Variants in C11orf65 observed in about 807,000 individuals in gnomAD.
The protein encoded by C11orf65 is chromosome 11 open reading frame 65, also known as protein MFI.
In C11orf65, 38 loss-of-function variants were observed where a neutral mutation model predicts 35.3. The observed-to-expected ratio is 1.08, with a 90% confidence interval of 0.83 to 1.41. The LOEUF (loss-of-function observed/expected upper bound fraction) is 1.41, where lower values mean the gene tolerates loss of function less well. Ranked by LOEUF, C11orf65 falls within the 40% of genes most tolerant of loss-of-function variation. The probability of loss-of-function intolerance (pLI) is 0.00; values close to 1 mark genes in which losing one functional copy is unlikely to be tolerated. For synonymous variants in C11orf65, 105 were observed against 114.4 expected (o/e 0.92, Z 0.53); for missense variants, 370 against 367.1 (o/e 1.01, Z -0.06).
intron 2 of C11orf65, chr11:108,369,164 G>A (rs1423796799): frequency 2.5e-5 from 4 of 157,670 alleles, no homozygotes; most frequent in East Asian, 3.3e-4. Flanking sequence ...CATGGGACTC[G>A]TTCTAAGGAG....
chr11:108,403,418 T>TTA (rs767364703), intron 6 of C11orf65, among the ~76,000 whole-genome samples: 1 of 142,018 alleles, frequency 7.0e-6, no homozygotes, highest in African/African-American at 2.8e-5. Context: ...GGTTTTTTTT[T>TTA]TGTTTTTTTT....
chr11:108,430,355 G>A (rs1301933827), intron 3 of C11orf65, among the ~76,000 whole-genome samples: 1 of 148,750 alleles, frequency 6.7e-6, no homozygotes, highest in African/African-American at 2.5e-5. Flanking sequence ...TAGCCAGGGT[G>A]GTCTCGATCT....
At chr11:108,350,466 T>C (rs2089054816) in intron 2 of C11orf65, among the ~76,000 whole-genome samples, 3 of 152,224 alleles carry the variant, frequency 2.0e-5, no homozygotes. Context: ...GAAGCAGTTT[T>C]AGCAGACTCA....
intron 2 of C11orf65, among the ~76,000 whole-genome samples, chr11:108,451,285 A>G (rs2093344386): frequency 6.6e-6 from 1 of 152,036 alleles, no homozygotes; most frequent in African/African-American, 2.4e-5. Context: ...AATCTCCTTA[A>G]GCTGATAAGC....
chr11:108,361,621 C>T (rs919654323), intron 2 of C11orf65, among the ~76,000 whole-genome samples: 1 of 151,570 alleles, frequency 6.6e-6, no homozygotes, highest in African/African-American at 2.4e-5. Context: ...TGGAACAGAA[C>T]AGAGCCCTTA....
chr11:108,324,335 C>T (rs1013685266), intron 6 of C11orf65, among the ~76,000 whole-genome samples: 1 of 152,042 alleles, frequency 6.6e-6, no homozygotes, highest in African/African-American at 2.4e-5. Context: ...TACAGAGAAA[C>T]TACTGTAGTT....
At position 108,407,148 on chromosome 11, in the gene C11orf65, G is replaced by A. The variant is rs1370342533; in HGVS notation, c.176C>T (p.Ala59Val). Reference protein sequence around the residue: ...QIVKYINPKEAELLDAAAGIH... With the variant: ...QIVKYINPKEVELLDAAAGIH... Reference sequence around the variant, plus strand: ...GCCAGCAGCAGCATCTAGAAGCTCTGCCTATAAGAAAATATATTATTCTTA... The same window carrying A: ...GCCAGCAGCAGCATCTAGAAGCTCTACCTATAAGAAAATATATTATTCTTA... The change falls in exon 4 of 9, where the codon GCA (alanine) becomes GTA (valine). Residue 59 changes from alanine (A) to valine (V), a missense_variant and splice_region_variant. Ala to Val is a moderately conservative substitution (Grantham distance 64). Transcript: ENST00000393084. The A allele has an allele frequency of 1.3e-6, 2 of 1,597,038 alleles. No homozygotes were observed. The highest frequency in any genetic ancestry group is 1.7e-5 in the Admixed American group (1 of 59,496).
chr11:108,360,582 C>A (rs227043), intron 2 of C11orf65, among the ~76,000 whole-genome samples: 81,695 of 136,298 alleles, frequency 0.6, 24,979 homozygotes, highest in Middle Eastern at 0.75. Context: ...GCAGCACATC[C>A]AAAAGCTTAT....
At chr11:108,367,486 A>T (rs2091394727) in intron 2 of C11orf65, 2 of 205,214 alleles carry the variant, frequency 9.7e-6, no homozygotes, top group Non-Finnish European at 2.0e-5. Context: ...GATAAACATC[A>T]GATAAAAAGC....
chr11:108,405,638 A>G, intron 5 of C11orf65, 79 bp from the exon 6 acceptor site: 1 of 1,403,618 alleles, frequency 7.1e-7, no homozygotes, highest in Non-Finnish European at 1.0e-6. Flanking sequence ...AAGAACTTCT[A>G]TGTGTTCAGT....
intron 2 of C11orf65, chr11:108,343,186 T>G: frequency 6.2e-7 from 1 of 1,613,178 alleles, no homozygotes; most frequent in Non-Finnish European, 8.5e-7. Flanking sequence ...TTTAATGGCC[T>G]TTTAAAATTA....
At chr11:108,466,275 A>G (rs1354836665) in intron 1 of C11orf65, among the ~76,000 whole-genome samples, 1 of 152,068 alleles carries the variant, frequency 6.6e-6, no homozygotes, top group Non-Finnish European at 1.5e-5. Flanking sequence ...GTTTTAAGAT[A>G]CTAAAATGTA....
chr11:108,354,507 G>A (rs554997647), intron 2 of C11orf65, among the ~76,000 whole-genome samples: 1 of 152,330 alleles, frequency 6.6e-6, no homozygotes, highest in East Asian at 1.9e-4. Context: ...TGCAGTCAGT[G>A]TAAACTAATA....
At position 108,350,784 on chromosome 11, in the gene C11orf65, T is replaced by C. The variant is rs191782677; in HGVS notation, c.227-15492A>G. ...TGGTCTGGAAGATGCAAATTAGAGG[T>C]AGGAGTATGCCAACCTGAGTCCATT... is the stretch of plus-strand genomic sequence containing the variant. On this transcript the variant is annotated intron_variant, in intron 2 of 3. Transcript: ENST00000524755. 2.6e-5 allele frequency among the ~76,000 whole-genome samples: 4 copies of C among 152,248 alleles called. No homozygotes were observed. In the East Asian group the frequency reaches 7.7e-4, roughly 29 times the overall value.
intron 6 of C11orf65, chr11:108,316,200 A>T: frequency 8.2e-7 from 1 of 1,224,004 alleles, no homozygotes; most frequent in Non-Finnish European, 1.2e-6. Context: ...ACACAGCCAG[A>T]TAAACTCTAG....
At chr11:108,398,856 T>C (rs1478339884) in intron 6 of C11orf65, among the ~76,000 whole-genome samples, 1 of 152,238 alleles carries the variant, frequency 6.6e-6, no homozygotes, top group East Asian at 1.9e-4. Context: ...CCAGAAGTAA[T>C]GCAGGCAGAG....
At chr11:108,428,778 T>C (rs1198662891) in intron 3 of C11orf65, among the ~76,000 whole-genome samples, 1 of 152,138 alleles carries the variant, frequency 6.6e-6, no homozygotes, top group Non-Finnish European at 1.5e-5. Context: ...AACCTGCATG[T>C]TCTGCACATG....
intron 6 of C11orf65, among the ~76,000 whole-genome samples, chr11:108,318,285 A>T (rs1380599910): frequency 1.3e-5 from 2 of 151,834 alleles, no homozygotes; most frequent in East Asian, 3.9e-4. Context: ...TTGCTAGAAC[A>T]CGGGAGACGG....
chr11:108,350,602 G>A (rs1409756405), intron 2 of C11orf65, among the ~76,000 whole-genome samples: 1 of 152,186 alleles, frequency 6.6e-6, no homozygotes, highest in Non-Finnish European at 1.5e-5. Flanking sequence ...GGGACAGAGG[G>A]GAAGATTGTG....
Sources: gnomAD v4.1 joint callset for allele counts (sites outside exome capture counted in the v4.1 genomes callset) on GRCh38, gnomAD v4.1.1 for gene constraint, MANE v1.5 for transcripts, NCBI Gene and HGNC (gene_info 2026-07-23, HGNC 2026-07-21) for gene names.